GDPD5: variants seen among roughly 807,000 people sequenced by gnomAD.
GDPD5 encodes the protein glycerophosphodiester phosphodiesterase 2.
In GDPD5, 48 loss-of-function variants were observed where a neutral mutation model predicts 75.1. That is an observed-to-expected ratio of 0.64 (90% confidence interval 0.51 to 0.81). The LOEUF (loss-of-function observed/expected upper bound fraction) is 0.81. Ranked by LOEUF, GDPD5 falls within the 40% of genes least tolerant of loss-of-function variation. GDPD5 has a pLI of 0.00. For synonymous variants in GDPD5, 336 were observed against 339.0 expected, an observed-to-expected ratio of 0.99 and a Z score of 0.10; for missense variants, 706 against 822.6, an observed-to-expected ratio of 0.86 and a Z score of 1.73.
rs1948888298 is a variant in GDPD5 at position 75,443,372 on chromosome 11, C to T, written c.798-86G>A. The T allele has an allele frequency of 2.1e-6, 3 of 1,454,058 alleles. No individual in the cohort carries two copies. In the East Asian group the frequency reaches 7.4e-5, roughly 36 times the overall value. The allele number at this position is 1,454,058 out of a possible 1,614,324, so 90.1% of individuals were successfully genotyped here. A position where few individuals can be genotyped will look rare whatever the true frequency, so the allele number is the denominator to read the frequency against. ...TGATCGTCACCCCACACAGTCCTCCCCACCCAGCACAGGATCCCGGCTGGC... is the reference window on the plus strand; with the variant it reads ...TGATCGTCACCCCACACAGTCCTCCTCACCCAGCACAGGATCCCGGCTGGC... On this transcript the variant is annotated intron_variant, in intron 10 of 16. Coordinates refer to ENST00000336898, the MANE Select transcript of GDPD5 (RefSeq NM_030792.8).
intron 3 of GDPD5, among the ~76,000 whole-genome samples, chr11:75,469,408 G>A (rs765813666): frequency 1.3e-5 from 2 of 152,228 alleles, no homozygotes; most frequent in African/African-American, 2.4e-5. Context: ...AAGTCACAGA[G>A]GAAGGAAGGG....
intron 3 of GDPD5, among the ~76,000 whole-genome samples, chr11:75,470,530 C>T (rs1949637662): frequency 6.6e-6 from 1 of 152,156 alleles, no homozygotes; most frequent in Admixed American, 6.5e-5. Context: ...TCCACCCATC[C>T]ATCGACATCC....
intron 12 of GDPD5, 96 bp from the exon 13 acceptor site, chr11:75,441,899 A>T: frequency 1.6e-6 from 2 of 1,262,526 alleles, no homozygotes; most frequent in Non-Finnish European, 2.2e-6. Context: ...AAGAGACAGG[A>T]CCTGGCAGGC....
In GDPD5 at chr11:75,444,477, G is replaced by A. The variant is rs2135180779; in HGVS notation, c.733C>T (p.Leu245Phe). ...TCGAGGGCCTTCCGGAAGGACATGAGCGTGTGCTCTGGAGCCAGCTGGGGA... is the reference window on the plus strand; with the variant it reads ...TCGAGGGCCTTCCGGAAGGACATGAACGTGTGCTCTGGAGCCAGCTGGGGA... ...GAPMLAPEHT[L>F]MSFRKALEQK... Residue 245 changes from leucine (L) to phenylalanine (F), a missense_variant, in exon 10 of 17, where the codon CTC becomes TTC. Transcript: ENST00000336898. 6.2e-7 allele frequency: 1 copy of A among 1,613,690 alleles called. No individual in the cohort carries two copies. Among genetic ancestry groups the A allele is most frequent in the East Asian group, 2.2e-5 (1 of 44,874 alleles).
At chr11:75,449,633 G>A in intron 7 of GDPD5, 23 bp from the exon 8 acceptor site, 7 of 1,561,876 alleles carry the variant, frequency 4.5e-6, no homozygotes, top group Non-Finnish European at 5.2e-6. Context: ...AGAGGGAAGG[G>A]AGACCAGTAA....
intron 2 of GDPD5, among the ~76,000 whole-genome samples, chr11:75,489,022 T>C (rs1950063114): frequency 6.6e-6 from 1 of 152,070 alleles, no homozygotes; most frequent in African/African-American, 2.4e-5. Context: ...AGGTACCTAT[T>C]TAGTTGTCAG....
intron 1 of GDPD5, among the ~76,000 whole-genome samples, chr11:75,503,642 A>G (rs1950336381): frequency 6.6e-6 from 1 of 152,220 alleles, no homozygotes; most frequent in African/African-American, 2.4e-5. Context: ...GAATAGGCAA[A>G]TGAATGAATG....
At chr11:75,506,765 C>T (rs962325811) in intron 1 of GDPD5, 1 of 152,138 alleles carries the variant, frequency 6.6e-6, no homozygotes, top group African/African-American at 2.4e-5. Flanking sequence ...TCCTCCAAGT[C>T]TGGATTTCAT....
At chr11:75,499,161 A>C (rs948600743) in intron 1 of GDPD5, among the ~76,000 whole-genome samples, 1 of 151,914 alleles carries the variant, frequency 6.6e-6, no homozygotes, top group Non-Finnish European at 1.5e-5. Context: ...TTCAGAGATG[A>C]GGAAACTGAA....
chr11:75,479,125 G>A (rs1031216002), intron 2 of GDPD5: 2 of 152,226 alleles, frequency 1.3e-5, no homozygotes, highest in African/African-American at 4.8e-5. Context: ...GGCCAGTGTT[G>A]GTAAAGTGTG....
intron 6 of GDPD5, chr11:75,456,477 CCT>C: frequency 2.0e-6 from 1 of 493,594 alleles, no homozygotes; most frequent in Non-Finnish European, 3.7e-6. Context: ...AACTGGGAGA[CCT>C]TAGGCAAATC....
At chr11:75,465,298 A>G (rs1949493117) in intron 3 of GDPD5, among the ~76,000 whole-genome samples, 1 of 152,188 alleles carries the variant, frequency 6.6e-6, no homozygotes, top group Non-Finnish European at 1.5e-5. Flanking sequence ...ACACAGCTGG[A>G]GCCTCCATCT....
At chr11:75,453,572 C>T (rs1790151) in intron 6 of GDPD5, among the ~76,000 whole-genome samples, 3 of 149,656 alleles carry the variant, frequency 2.0e-5, no homozygotes, top group African/African-American at 7.4e-5. Context: ...GAGCCAAGAT[C>T]GTGCCACTGC....
chr11:75,436,547 A>G (rs977497296), intron 16 of GDPD5, among the ~76,000 whole-genome samples: 1 of 144,848 alleles, frequency 6.9e-6, no homozygotes, highest in Non-Finnish European at 1.5e-5. Flanking sequence ...TGCTGCTTCC[A>G]TCAGACTGGG....
chr11:75,439,845 G>C (rs764981439), intron 15 of GDPD5, 34 bp downstream of exon 15: 1 of 1,563,902 alleles, frequency 6.4e-7, no homozygotes, highest in Non-Finnish European at 8.8e-7. Flanking sequence ...CTGCAGGGTA[G>C]GGACAGCCAC....
At position 75,435,318 on chromosome 11, in the gene GDPD5, C is replaced by T; in HGVS notation, c.*189G>A. ...CAGGGGCATCTGAAAGGATGGAGTC[C>T]TGGCCCAGCTGGGCCTCAGGAGACA... On this transcript the variant is annotated 3_prime_UTR_variant, in exon 17 of 17. Coordinates refer to ENST00000336898, the MANE Select transcript of GDPD5 (RefSeq NM_030792.8). 1 of 529,920 alleles carries T rather than the reference C, an allele frequency of 1.9e-6. No homozygotes were observed. The highest frequency in any genetic ancestry group is 3.3e-6 in the Non-Finnish European group (1 of 301,124). 32.8% of individuals were successfully genotyped at this position (529,920 alleles called of 1,614,324 possible). A position where few individuals can be genotyped will look rare whatever the true frequency, so the allele number is the denominator to read the frequency against.
intron 1 of GDPD5, among the ~76,000 whole-genome samples, chr11:75,508,655 A>G (rs1950453124): frequency 6.6e-6 from 1 of 152,092 alleles, no homozygotes; most frequent in Admixed American, 6.5e-5. Context: ...ATATCCCACT[A>G]TATCTTTCTC....
In GDPD5 at chr11:75,443,264, TGAGGAAG is replaced by T. The variant is rs775928676; in HGVS notation, c.813_819del (p.Phe272CysfsTer42). On this transcript the variant is annotated frameshift_variant, in exon 11 of 17. Coordinates refer to ENST00000336898, the MANE Select transcript of GDPD5 (RefSeq NM_030792.8). LOFTEE classifies it high-confidence loss of function. ...GTGCGCCGCAGGGTGGTGTCATGCATGAGGAAGGGCACGCCGTCCAGGCTGCAGGGAG... is the reference window on the plus strand; with the variant it reads ...GTGCGCCGCAGGGTGGTGTCATGCATGGCACGCCGTCCAGGCTGCAGGGAG... 25 of 1,610,438 alleles carry T rather than the reference TGAGGAAG, an allele frequency of 1.6e-5. 1 individual carries two copies. The South Asian group carries it at 2.8e-4, about 18-fold the overall frequency.
chr11:75,448,205 G>A (rs543767447), intron 9 of GDPD5, among the ~76,000 whole-genome samples: 1 of 152,282 alleles, frequency 6.6e-6, no homozygotes, highest in African/African-American at 2.4e-5. Context: ...AGAAGCCTGG[G>A]TTCAAGGCTT....
Sources: gnomAD v4.1 joint callset for allele counts (sites outside exome capture counted in the v4.1 genomes callset) on GRCh38, gnomAD v4.1.1 for gene constraint, MANE v1.5 for transcripts, NCBI Gene and HGNC (gene_info 2026-07-23, HGNC 2026-07-21) for gene names.